Variants in FAM149B1 observed in about 807,000 individuals in gnomAD.
The protein encoded by FAM149B1 is family with sequence similarity 149 member B1.
FAM149B1 carries 56 observed loss-of-function variants against 75.3 expected under a neutral mutation model. That is an observed-to-expected ratio of 0.74 (90% CI 0.60 to 0.93). The LOEUF (loss-of-function observed/expected upper bound fraction) is 0.93. FAM149B1 is among the 40% of genes least tolerant of loss of function. FAM149B1 has a pLI of 0.00. For synonymous variants in FAM149B1, 259 were observed against 256.1 expected, an observed-to-expected ratio of 1.01 and a Z score of -0.11; for missense variants, 639 against 708.4, an observed-to-expected ratio of 0.90 and a Z score of 1.11.
intron 1 of FAM149B1, among the ~76,000 whole-genome samples, chr10:73,171,050 C>T (rs1049499240): frequency 6.6e-6 from 1 of 151,724 alleles, no homozygotes. Flanking sequence ...TCAGTTGCAA[C>T]CTCCACCTCC....
At chr10:73,233,265 A>C in intron 10 of FAM149B1, 102 bp downstream of exon 10, 1 of 832,030 alleles carries the variant, frequency 1.2e-6, no homozygotes, top group Non-Finnish European at 1.9e-6. Context: ...CCTAGAAACT[A>C]ATCATTAAGT....
chr10:73,240,471 C>G (rs189210260), intron 13 of FAM149B1, among the ~76,000 whole-genome samples: 308 of 152,184 alleles, frequency 2.0e-3, no homozygotes, highest in Non-Finnish European at 3.3e-3. Context: ...CCAGCACTTT[C>G]GGAGGCCAAG....
rs765042108 is a variant in FAM149B1, at chr10:73,243,525, T to A, written c.*2506T>A. ...TGCCGATCCTTTTGTCTGCTCTGTT[T>A]GAGAAGTTAAAACACAAGCTTTCAC... is the stretch of plus-strand genomic sequence containing the variant. On this transcript the variant is annotated 3_prime_UTR_variant, in exon 14 of 14. Coordinates refer to ENST00000242505, the MANE Select transcript of FAM149B1 (RefSeq NM_173348.2). 2.5e-6 allele frequency: 4 copies of A among 1,614,026 alleles called. No individual in the cohort carries two copies.
chr10:73,214,875 T>G (rs1464385336), intron 7 of FAM149B1, among the ~76,000 whole-genome samples: 2 of 152,248 alleles, frequency 1.3e-5, no homozygotes, highest in African/African-American at 4.8e-5. Context: ...AGGATTGGTA[T>G]TAATTATTTG....
intron 7 of FAM149B1, among the ~76,000 whole-genome samples, chr10:73,221,918 G>T (rs1270816015): frequency 6.6e-6 from 1 of 151,850 alleles, no homozygotes; most frequent in African/African-American, 2.4e-5. Context: ...CGTTGAATCT[G>T]CTCATTTAGT....
chr10:73,224,362 T>C (rs747701891), intron 7 of FAM149B1, among the ~76,000 whole-genome samples: 23 of 151,896 alleles, frequency 1.5e-4, no homozygotes, highest in Non-Finnish European at 3.1e-4. Flanking sequence ...CATAAATAAC[T>C]AGAAAACATA....
rs556808972 is a variant in FAM149B1, at chr10:73,240,026, G to C, written c.1675+642G>C. Among the ~76,000 whole-genome samples the C allele has an allele frequency of 2.0e-3, 310 of 152,272 alleles. 3 individuals are homozygous for C. Among genetic ancestry groups the C allele is most frequent in the African/African-American group, 6.9e-3 (287 of 41,548 alleles). Reference sequence around the variant, plus strand: ...TGTAGCCTCGAACTCCGGGGCTCAAGGGATCCTCCCACCTAAGCCTCCCAC... The same window carrying C: ...TGTAGCCTCGAACTCCGGGGCTCAACGGATCCTCCCACCTAAGCCTCCCAC... On this transcript the variant is annotated intron_variant, in intron 13 of 13. Transcript: ENST00000242505.
rs892793497 is a variant in FAM149B1 at position 73,234,887 on chromosome 10, A to G, written c.1423A>G (p.Ile475Val). 1.0e-5 allele frequency: 16 copies of G among 1,551,796 alleles called. No individual in the cohort carries two copies. In the East Asian group the frequency reaches 1.2e-4, roughly 12 times the overall value. The change falls in exon 11 of 14, where the codon ATT (isoleucine) becomes GTT (valine). Residue 475 changes from isoleucine (I) to valine (V), a missense_variant. Coordinates refer to ENST00000242505, the MANE Select transcript of FAM149B1 (RefSeq NM_173348.2). ...GAGTCGAAATAATCTGCTACCACCT[A>G]TTGGCACAGCTGAAGTGGAACATGT... ...PLSRNNLLPP[I>V]GTAEVEHVST...
chr10:73,201,863 GA>G (rs1002848775), intron 5 of FAM149B1, among the ~76,000 whole-genome samples: 10 of 146,932 alleles, frequency 6.8e-5, no homozygotes, highest in Admixed American at 2.0e-4. Flanking sequence ...ATTCACTTAA[GA>G]AAAAAAAAAG....
At position 73,168,240 on chromosome 10, in the gene FAM149B1, CG is replaced by C; in HGVS notation, c.-97del. ...GGGGCCGGTAGGTGGCGGGAGGGGC[CG>C]GGCCGGAGCCGGCGGGAGGGCCAGG... On this transcript the variant is annotated 5_prime_UTR_variant, in exon 1 of 14. Transcript: ENST00000242505. The C allele has an allele frequency of 7.5e-7, 1 of 1,341,080 alleles. No individual in the cohort carries two copies. The highest frequency in any genetic ancestry group is 1.0e-6 in the Non-Finnish European group (1 of 987,356). The allele number at this position is 1,341,080 out of a possible 1,614,324, so 83.1% of individuals were successfully genotyped here. A position where few individuals can be genotyped will look rare whatever the true frequency, so the allele number is the denominator to read the frequency against.
intron 1 of FAM149B1, chr10:73,169,159 CAA>C (rs10708168): frequency 0.016 from 2,039 of 128,078 alleles, 45 homozygotes; most frequent in African/African-American, 0.047. Context: ...ACTAAAAATG[CAA>C]AAAAAAAAAA....
chr10:73,195,219 C>T (rs1037627054), intron 5 of FAM149B1, among the ~76,000 whole-genome samples: 3 of 152,022 alleles, frequency 2.0e-5, no homozygotes, highest in Non-Finnish European at 4.4e-5. Context: ...TTGGTGCCTC[C>T]TTGGGCTTGT....
At chr10:73,169,408 A>G (rs566168943) in intron 1 of FAM149B1, among the ~76,000 whole-genome samples, 24 of 152,100 alleles carry the variant, frequency 1.6e-4, no homozygotes, top group Admixed American at 6.5e-4. Context: ...TTAGAAAGTA[A>G]TAATAGTGTC....
At chr10:73,187,705 G>T (rs113581658) in intron 3 of FAM149B1, among the ~76,000 whole-genome samples, 3,067 of 149,984 alleles carry the variant, frequency 0.02, 42 homozygotes, top group Non-Finnish European at 0.034. Context: ...CTCCAGCCTG[G>T]GCAACAAGAG....
rs748075993 is a variant in FAM149B1, at chr10:73,170,596, C to T, written c.47+2210C>T. Among the ~76,000 whole-genome samples the T allele has an allele frequency of 7.3e-4, 111 of 152,242 alleles. 2 individuals carry two copies. The highest frequency in any genetic ancestry group is 1.0e-3 in the Admixed American group (16 of 15,294). On this transcript the variant is annotated intron_variant, in intron 1 of 13. Transcript: ENST00000242505. ...TCAATAAATGGTATTTTCCTTGTCC[C>T]TTCGCACTTTTACTTGGGATACAAT...
rs542777972 is a variant in FAM149B1, at chr10:73,209,504, C to A, written c.710+718C>A. Among the ~76,000 whole-genome samples the A allele has an allele frequency of 3.9e-5, 6 of 152,184 alleles. No individual in the cohort carries two copies. In the South Asian group the frequency reaches 1.2e-3, roughly 32 times the overall value. On this transcript the variant is annotated intron_variant, in intron 6 of 13. Transcript: ENST00000242505. ...AAAGGTATAAACAGTTTGTTTAAAA[C>A]CTTATGGTTGGCACAGATTTTATAA...
intron 12 of FAM149B1, among the ~76,000 whole-genome samples, chr10:73,236,241 A>C (rs2043818337): frequency 6.6e-6 from 1 of 152,160 alleles, no homozygotes; most frequent in Non-Finnish European, 1.5e-5. Context: ...AAACAGCAGA[A>C]ATTTTTTCCT....
intron 5 of FAM149B1, among the ~76,000 whole-genome samples, chr10:73,208,218 G>A (rs1295158926): frequency 6.6e-6 from 1 of 152,312 alleles, no homozygotes; most frequent in African/African-American, 2.4e-5. Flanking sequence ...ATTCCCCCAT[G>A]AGTAAAAGCT....
chr10:73,200,693 A>G, intron 5 of FAM149B1: 1 of 494,286 alleles, frequency 2.0e-6, no homozygotes, highest in Non-Finnish European at 3.9e-6. Flanking sequence ...CAAAAAATTC[A>G]CTAAAGATCC....
Sources: gnomAD v4.1 joint callset for allele counts (sites outside exome capture counted in the v4.1 genomes callset) on GRCh38, gnomAD v4.1.1 for gene constraint, MANE v1.5 for transcripts, NCBI Gene and HGNC (gene_info 2026-07-23, HGNC 2026-07-21) for gene names.